Variants in ZNRF2 observed in about 807,000 individuals in gnomAD.
ZNRF2 encodes zinc and ring finger 2, also known as E3 ubiquitin-protein ligase ZNRF2.
ZNRF2 carries 16 observed loss-of-function variants against 20.4 expected under a neutral mutation model. That is an observed-to-expected ratio of 0.79 (90% CI 0.53 to 1.19). The LOEUF (loss-of-function observed/expected upper bound fraction) is 1.19, where lower values mean the gene tolerates loss of function less well. ZNRF2 is among the 50% of genes most tolerant of loss of function. The pLI is 0.00. For missense variants in ZNRF2, 363 were observed against 332.4 expected, an observed-to-expected ratio of 1.09 and a Z score of -0.72; for synonymous variants, 178 against 144.9, an observed-to-expected ratio of 1.23 and a Z score of -1.64.
chr7:30,321,035 T>G (rs1024647543), intron 1 of ZNRF2, among the ~76,000 whole-genome samples: 15 of 152,252 alleles, frequency 9.9e-5, no homozygotes, highest in African/African-American at 3.1e-4. Context: ...GAGTGGGGCC[T>G]TTTTCAGTTC....
chr7:30,284,918 G>C lies in ZNRF2; in HGVS notation c.-440G>C. ...GCCTCCCACTCAGCCGCCAGCCGCCGTGGGAGCCGGAGGATGGCGGCGGTA... is the reference window on the plus strand; with the variant it reads ...GCCTCCCACTCAGCCGCCAGCCGCCCTGGGAGCCGGAGGATGGCGGCGGTA... On this transcript the variant is annotated 5_prime_UTR_variant, in exon 1 of 5. Transcript: ENST00000323037. 4.0e-6 allele frequency: 1 copy of C among 249,200 alleles called. No homozygotes were observed. The allele number at this position is 249,200 out of a possible 1,614,324, so 15.4% of individuals were successfully genotyped here.
intron 3 of ZNRF2, among the ~76,000 whole-genome samples, chr7:30,361,208 G>T (rs1053093012): frequency 3.3e-5 from 5 of 152,192 alleles, no homozygotes; most frequent in African/African-American, 1.2e-4. Context: ...AGACACAGTG[G>T]AACTTCCAGG....
Position 30,319,931 on chromosome 7 carries a change from T to C in ZNRF2, c.470-3711T>C, listed in dbSNP as rs141544880. On this transcript the variant is annotated intron_variant, in intron 1 of 4. Coordinates refer to ENST00000323037, the MANE Select transcript of ZNRF2 (RefSeq NM_147128.4). Reference sequence around the variant, plus strand: ...TTAGTTTGATCATTTTCACACTGTTTACATTTGTAATATTTAGTACTGTTT... The same window carrying C: ...TTAGTTTGATCATTTTCACACTGTTCACATTTGTAATATTTAGTACTGTTT... 6.7e-3 allele frequency among the ~76,000 whole-genome samples: 1,016 copies of C among 152,370 alleles called. 16 individuals are homozygous for C. The highest frequency in any genetic ancestry group is 0.023 in the African/African-American group (977 of 41,582).
At chr7:30,320,483 A>G (rs1233643289) in intron 1 of ZNRF2, among the ~76,000 whole-genome samples, 1 of 152,118 alleles carries the variant, frequency 6.6e-6, no homozygotes, top group Admixed American at 6.6e-5. Context: ...TTAACTTAGG[A>G]TTTTTGACTT....
chr7:30,333,054 CTTTTT>C (rs1259371701), intron 2 of ZNRF2, among the ~76,000 whole-genome samples: 1 of 139,040 alleles, frequency 7.2e-6, no homozygotes. Context: ...TATATTTTGA[CTTTTT>C]TTTTTTTTTT....
At chr7:30,296,328 T>C (rs1799019886) in intron 1 of ZNRF2, among the ~76,000 whole-genome samples, 1 of 152,198 alleles carries the variant, frequency 6.6e-6, no homozygotes, top group Non-Finnish European at 1.5e-5. Context: ...TTATAATCAT[T>C]TGAATGTGTT....
intron 1 of ZNRF2, among the ~76,000 whole-genome samples, chr7:30,295,056 T>G (rs796650245): frequency 1.2e-4 from 7 of 59,880 alleles, no homozygotes; most frequent in African/African-American, 5.1e-4. Context: ...AGAGAGTGTG[T>G]GTGTGTGTGT....
At chr7:30,346,275 C>T (rs949663060) in intron 2 of ZNRF2, among the ~76,000 whole-genome samples, 2 of 135,584 alleles carry the variant, frequency 1.5e-5, no homozygotes, top group East Asian at 2.4e-4. Context: ...CTCACTGCAA[C>T]GTCTGCCTCC....
intron 2 of ZNRF2, among the ~76,000 whole-genome samples, chr7:30,335,544 AATT>A (rs1053619833): frequency 2.0e-5 from 3 of 152,096 alleles, no homozygotes; most frequent in African/African-American, 7.2e-5. Context: ...CCTTTTACAA[AATT>A]ATTATATACA....
chr7:30,340,679 G>A (rs1167685359), intron 2 of ZNRF2, among the ~76,000 whole-genome samples: 2 of 152,160 alleles, frequency 1.3e-5, no homozygotes, highest in South Asian at 4.1e-4. Context: ...TGTTCATCAG[G>A]GATATTGGCC....
chr7:30,353,246 A>C (rs887340439), intron 2 of ZNRF2, among the ~76,000 whole-genome samples: 1 of 152,128 alleles, frequency 6.6e-6, no homozygotes, highest in African/African-American at 2.4e-5. Context: ...CAATATGTTA[A>C]CATTAGCTTT....
rs115003946 is a variant in ZNRF2, at chr7:30,354,232, G to T, written c.566-1496G>T. On this transcript the variant is annotated intron_variant, in intron 2 of 4. Coordinates refer to ENST00000323037, the MANE Select transcript of ZNRF2 (RefSeq NM_147128.4). ...ATTTTCCGTTTATCCAGCTTTGCTT[G>T]TCCAGAAATCTTTACCTGCTTAAGT... is the stretch of plus-strand genomic sequence containing the variant. Among the ~76,000 whole-genome samples the T allele has an allele frequency of 3.9e-3, 601 of 152,166 alleles. 3 individuals carry two copies. The highest frequency in any genetic ancestry group is 0.014 in the African/African-American group (574 of 41,536).
At chr7:30,363,645 C>T (rs1800163103) in intron 4 of ZNRF2, among the ~76,000 whole-genome samples, 1 of 151,294 alleles carries the variant, frequency 6.6e-6, no homozygotes, top group Non-Finnish European at 1.5e-5. Flanking sequence ...TTGCATTTTA[C>T]GACTGAAAAA....
intron 2 of ZNRF2, among the ~76,000 whole-genome samples, chr7:30,347,562 A>G (rs995205945): frequency 2.6e-5 from 4 of 151,612 alleles, no homozygotes; most frequent in African/African-American, 9.7e-5. Flanking sequence ...AATTAAAAAG[A>G]AAAAAAAATC....
Position 30,346,170 on chromosome 7 carries a change from A to ATTT in ZNRF2, c.566-9526_566-9524dup, listed in dbSNP as rs70980598. ...TGTTTTTTTTTTTCTGTTAAGTCTGATTTTTTTTTTTTTTTTTTTTTTTTT... is the reference window on the plus strand; with the variant it reads ...TGTTTTTTTTTTTCTGTTAAGTCTGATTTTTTTTTTTTTTTTTTTTTTTTTTTT... On this transcript the variant is annotated intron_variant, in intron 2 of 4. Coordinates refer to ENST00000323037, the MANE Select transcript of ZNRF2 (RefSeq NM_147128.4). Among the ~76,000 whole-genome samples the ATTT allele has an allele frequency of 3.8e-3, 91 of 23,710 alleles. 9 individuals are homozygous for ATTT. The highest frequency in any genetic ancestry group is 5.9e-3 in the Non-Finnish European group (60 of 10,198). The allele number at this position is 23,710 out of a possible 152,430, so 15.6% of individuals were successfully genotyped here.
intron 1 of ZNRF2, among the ~76,000 whole-genome samples, chr7:30,287,059 C>A (rs1207857328): frequency 6.6e-6 from 1 of 152,170 alleles, no homozygotes; most frequent in African/African-American, 2.4e-5. Context: ...ATTGGAACGA[C>A]GCTTGACTTT....
intron 4 of ZNRF2, among the ~76,000 whole-genome samples, chr7:30,363,785 A>G (rs1800166217): frequency 2.0e-5 from 3 of 151,968 alleles, no homozygotes; most frequent in African/African-American, 7.3e-5. Context: ...TCACAAGTGC[A>G]TTAAATTGAC....
At chr7:30,346,537 C>T (rs1799882446) in intron 2 of ZNRF2, among the ~76,000 whole-genome samples, 1 of 151,940 alleles carries the variant, frequency 6.6e-6, no homozygotes, top group East Asian at 1.9e-4. Flanking sequence ...AGAAGTCTGG[C>T]TTTGTCTCAC....
chr7:30,302,825 G>A (rs994835478), intron 1 of ZNRF2, among the ~76,000 whole-genome samples: 1 of 152,050 alleles, frequency 6.6e-6, no homozygotes, highest in African/African-American at 2.4e-5. Context: ...CAGTCTATCT[G>A]ACTCCAGGTG....
Sources: allele counts gnomAD v4.1 joint callset (sites outside exome capture counted in the v4.1 genomes callset), GRCh38; gene constraint gnomAD v4.1.1; transcripts MANE v1.5; gene names NCBI Gene and HGNC (gene_info 2026-07-23, HGNC 2026-07-21).